The following SLIT2 variants were observed in gnomAD, a reference collection of about 807,000 sequenced individuals.
SLIT2 encodes slit guidance ligand 2, also known as slit homolog 2 protein.
SLIT2 carries 41 observed loss-of-function variants against 185.7 expected under a neutral mutation model. The ratio of observed to expected loss-of-function variants is 0.22; its 90% CI spans 0.17 to 0.29. The LOEUF (loss-of-function observed/expected upper bound fraction) is 0.29, where lower values mean the gene tolerates loss of function less well. SLIT2 is among the 10% of genes least tolerant of loss of function. SLIT2 has a pLI of 1.00. For missense variants in SLIT2, 1,571 were observed against 1,909.0 expected, an observed-to-expected ratio of 0.82 and a Z score of 3.30; for synonymous variants, 693 against 680.2, an observed-to-expected ratio of 1.02 and a Z score of -0.29.
chr4:20,464,849 A>G (rs1195251292), intron 4 of SLIT2, among the ~76,000 whole-genome samples: 3 of 151,502 alleles, frequency 2.0e-5, no homozygotes, highest in Non-Finnish European at 4.4e-5. Flanking sequence ...ATTTTTTTTA[A>G]TTCACTTTAT....
chr4:20,308,462 G>A (rs1459698296), intron 4 of SLIT2, among the ~76,000 whole-genome samples: 1 of 152,088 alleles, frequency 6.6e-6, no homozygotes, highest in Non-Finnish European at 1.5e-5. Context: ...ATATAGGAGG[G>A]GAAACAACGT....
intron 4 of SLIT2, among the ~76,000 whole-genome samples, chr4:20,344,114 G>A (rs969436415): frequency 6.6e-6 from 1 of 152,126 alleles, no homozygotes; most frequent in African/African-American, 2.4e-5. Context: ...CTCCCAAAGT[G>A]TGGGATTACA....
In SLIT2 at chr4:20,523,922, G is replaced by A; in HGVS notation, c.1274+19G>A. 1 of 1,612,792 alleles carries A rather than the reference G, an allele frequency of 6.2e-7. No individual in the cohort carries two copies. On this transcript the variant is annotated intron_variant, in intron 13 of 36. Transcript: ENST00000504154. ...AAACTATGTATGTATAAGTGATTTGGATCACTTTTGATGACATTGTTTCCT... is the reference window on the plus strand; with the variant it reads ...AAACTATGTATGTATAAGTGATTTGAATCACTTTTGATGACATTGTTTCCT...
intron 4 of SLIT2, among the ~76,000 whole-genome samples, chr4:20,274,727 C>A (rs1239498174): frequency 1.4e-5 from 2 of 146,268 alleles, no homozygotes; most frequent in Admixed American, 1.4e-4. Flanking sequence ...TGCAAGAATG[C>A]AAGAAAGTTT....
intron 33 of SLIT2, among the ~76,000 whole-genome samples, chr4:20,600,820 A>G (rs1303398105): frequency 6.6e-6 from 1 of 151,992 alleles, no homozygotes; most frequent in African/African-American, 2.4e-5. Context: ...TGATTTTCCA[A>G]TCCAGAAAAG....
chr4:20,398,094 G>A (rs1367771298), intron 4 of SLIT2, among the ~76,000 whole-genome samples: 3 of 151,766 alleles, frequency 2.0e-5, no homozygotes, highest in African/African-American at 7.2e-5. Flanking sequence ...GTGGCTCTCA[G>A]GAAAGAAAGC....
At chr4:20,354,572 CT>C (rs1258668390) in intron 4 of SLIT2, among the ~76,000 whole-genome samples, 1 of 152,120 alleles carries the variant, frequency 6.6e-6, no homozygotes, top group Non-Finnish European at 1.5e-5. Context: ...ATATATAAAC[CT>C]TTTCTTCATG....
intron 4 of SLIT2, among the ~76,000 whole-genome samples, chr4:20,323,143 C>T (rs929857361): frequency 1.3e-5 from 2 of 152,108 alleles, no homozygotes; most frequent in African/African-American, 4.8e-5. Context: ...GCAGGAATCT[C>T]CTATCTAGGC....
chr4:20,575,865 C>G (rs1009195197), intron 29 of SLIT2, among the ~76,000 whole-genome samples: 8 of 151,888 alleles, frequency 5.3e-5, no homozygotes, highest in Middle Eastern at 3.4e-3. Context: ...ACTAGGCTAC[C>G]TTTTATCCCA....
chr4:20,456,975 T>C (rs1713144556), intron 4 of SLIT2, among the ~76,000 whole-genome samples: 1 of 152,156 alleles, frequency 6.6e-6, no homozygotes. Context: ...ATCTCTACCC[T>C]ATCTTAGGGA....
intron 4 of SLIT2, among the ~76,000 whole-genome samples, chr4:20,311,183 C>A (rs1336925825): frequency 6.6e-6 from 1 of 152,222 alleles, no homozygotes; most frequent in African/African-American, 2.4e-5. Context: ...GCCATGGTGC[C>A]AGGCCTGAAC....
chr4:20,527,871 G>A (rs1363537736), intron 15 of SLIT2, among the ~76,000 whole-genome samples: 1 of 151,894 alleles, frequency 6.6e-6, no homozygotes, highest in Non-Finnish European at 1.5e-5. Context: ...TTGGCTGTAA[G>A]TAAAAGTGTC....
intron 4 of SLIT2, among the ~76,000 whole-genome samples, chr4:20,414,771 C>G (rs998857964): frequency 1.3e-5 from 2 of 152,066 alleles, no homozygotes; most frequent in Admixed American, 6.5e-5. Context: ...GAATGATGGT[C>G]CGCTTTTTTC....
chr4:20,593,713 T>C (rs551214444), intron 30 of SLIT2, among the ~76,000 whole-genome samples: 15 of 152,278 alleles, frequency 9.9e-5, no homozygotes, highest in African/African-American at 3.4e-4. Context: ...AATGTATGTA[T>C]GTATAAAACA....
intron 4 of SLIT2, among the ~76,000 whole-genome samples, chr4:20,400,053 G>A (rs756946062): frequency 7.2e-5 from 11 of 151,770 alleles, no homozygotes; most frequent in Non-Finnish European, 1.5e-4. Context: ...AGTAACTTAT[G>A]TACCCTAAAT....
chr4:20,520,744 G>T (rs1290717840), intron 12 of SLIT2, among the ~76,000 whole-genome samples: 1 of 151,990 alleles, frequency 6.6e-6, no homozygotes, highest in African/African-American at 2.4e-5. Context: ...AAACAATAAT[G>T]AACCTTATTA....
chr4:20,522,477 A>G (rs958941070), intron 12 of SLIT2, among the ~76,000 whole-genome samples: 1 of 152,238 alleles, frequency 6.6e-6, no homozygotes, highest in Non-Finnish European at 1.5e-5. Flanking sequence ...ACAAGACTGC[A>G]TAGCATGGAA....
intron 4 of SLIT2, among the ~76,000 whole-genome samples, chr4:20,402,610 C>T (rs1726447428): frequency 6.6e-6 from 1 of 151,904 alleles, no homozygotes; most frequent in Non-Finnish European, 1.5e-5. Flanking sequence ...CAAGGAATAA[C>T]ATGGGATGTT....
In SLIT2 at chr4:20,549,008, C is replaced by A. The variant is rs184988827; in HGVS notation, c.2418-49C>A. 74 of 1,060,346 alleles carry A rather than the reference C, an allele frequency of 7.0e-5. No individual in the cohort carries two copies. In the East Asian group the frequency reaches 1.6e-3, roughly 23 times the overall value. 65.7% of individuals were successfully genotyped at this position (1,060,346 alleles called of 1,614,324 possible). A position where few individuals can be genotyped will look rare whatever the true frequency, so the allele number is the denominator to read the frequency against. Reference sequence around the variant, plus strand: ...CTGCTTTATTTTTGGAAGTATTTGGCCATTTTTGGATTTCTGAATAAAACA... The same window carrying A: ...CTGCTTTATTTTTGGAAGTATTTGGACATTTTTGGATTTCTGAATAAAACA... On this transcript the variant is annotated intron_variant, in intron 23 of 36. Transcript: ENST00000504154.
Sources: gnomAD v4.1 joint callset for allele counts (sites outside exome capture counted in the v4.1 genomes callset) on GRCh38, gnomAD v4.1.1 for gene constraint, MANE v1.5 for transcripts, NCBI Gene and HGNC (gene_info 2026-07-23, HGNC 2026-07-21) for gene names.